Variants in NTM observed in about 807,000 individuals in gnomAD.
NTM encodes IgLON family member 2.
A neutral mutation model predicts 42.1 loss-of-function variants in NTM; 13 were observed. That is an observed-to-expected ratio of 0.31 (90% CI 0.20 to 0.49). The LOEUF (loss-of-function observed/expected upper bound fraction) is 0.49. Among genes scored for constraint, NTM ranks in the 20% least tolerant of loss-of-function variants. The pLI is 0.99. For synonymous variants in NTM, 187 were observed against 179.2 expected, an observed-to-expected ratio of 1.04 and a Z score of -0.35; for missense variants, 373 against 452.8, an observed-to-expected ratio of 0.82 and a Z score of 1.60.
intron 2 of NTM, among the ~76,000 whole-genome samples, chr11:132,143,102 A>G (rs767132309): frequency 2.0e-5 from 3 of 152,108 alleles, no homozygotes; most frequent in Non-Finnish European, 4.4e-5. Context: ...CCCTGAACAT[A>G]TGGGTTACAG....
intron 2 of NTM, among the ~76,000 whole-genome samples, chr11:131,924,106 TG>T (rs2057612806): frequency 6.6e-6 from 1 of 152,234 alleles, no homozygotes; most frequent in Admixed American, 6.5e-5. Flanking sequence ...CTCGTGACCC[TG>T]GAGCTATGTG....
chr11:131,873,297 T>A lies in NTM; in HGVS notation c.83-38267T>A, dbSNP rs375663342. Reference sequence around the variant, plus strand: ...AACACCGCATGTTCTCACTCATAAGTGGGAGCTGAACAATGAGAACACATG... The same window carrying A: ...AACACCGCATGTTCTCACTCATAAGAGGGAGCTGAACAATGAGAACACATG... On this transcript the variant is annotated intron_variant, in intron 1 of 8. Coordinates refer to ENST00000683400, the MANE Select transcript of NTM (RefSeq NM_001352005.2). Among the ~76,000 whole-genome samples the A allele has an allele frequency of 1.6e-3, 233 of 148,326 alleles. 1 individual carries two copies. The highest frequency in any genetic ancestry group is 5.5e-3 in the African/African-American group (220 of 39,914).
At chr11:131,594,084 A>T (rs2059614879) in intron 1 of NTM, among the ~76,000 whole-genome samples, 1 of 152,234 alleles carries the variant, frequency 6.6e-6, no homozygotes, top group East Asian at 1.9e-4. Context: ...CTCTAAATGC[A>T]TAAGGATGGT....
At chr11:131,410,517 CAAAAAAAAAAAAA>C (rs1161389222) in intron 1 of NTM, among the ~76,000 whole-genome samples, 5 of 32,754 alleles carry the variant, frequency 1.5e-4, no homozygotes, top group African/African-American at 2.8e-4. Flanking sequence ...AAACAATAAC[CAAAAAAAAAAAAA>C]AAAAAAAAAA....
intron 2 of NTM, among the ~76,000 whole-genome samples, chr11:132,116,681 G>C (rs1382389952): frequency 6.6e-6 from 1 of 152,168 alleles, no homozygotes. Flanking sequence ...GCATGCATAG[G>C]TTTGGGAAAT....
At position 132,221,604 on chromosome 11, in the gene NTM, C is replaced by T. The variant is rs565873247; in HGVS notation, c.526+9457C>T. Among the ~76,000 whole-genome samples the T allele has an allele frequency of 3.3e-5, 5 of 152,226 alleles. No individual in the cohort carries two copies. In the East Asian group the frequency reaches 7.7e-4, roughly 24 times the overall value. ...TAGTTCATGCCCCAGCCTTACTGAA[C>T]GACAGCTGTAAGGGTGGGGTCCAGC... On this transcript the variant is annotated intron_variant, in intron 4 of 8. Transcript: ENST00000683400.
rs558931725 is a variant in NTM, at chr11:131,889,825, A to G, written c.83-21739A>G. ...GAGCACTGTAGCGCCCCTCTTTTGC[A>G]TGAGGGATCAGTAGCATCCCTCTTT... On this transcript the variant is annotated intron_variant, in intron 1 of 8. Transcript: ENST00000683400. 2.6e-5 allele frequency among the ~76,000 whole-genome samples: 4 copies of G among 152,304 alleles called. No individual in the cohort carries two copies. In the South Asian group the frequency reaches 8.3e-4, roughly 32 times the overall value.
At chr11:132,221,011 T>C (rs1291103161) in intron 4 of NTM, among the ~76,000 whole-genome samples, 1 of 152,156 alleles carries the variant, frequency 6.6e-6, no homozygotes, top group East Asian at 1.9e-4. Context: ...GTCACACCGC[T>C]GTAGACCAGC....
At chr11:131,472,892 C>T (rs1307087170) in intron 1 of NTM, among the ~76,000 whole-genome samples, 1 of 152,050 alleles carries the variant, frequency 6.6e-6, no homozygotes, top group Non-Finnish European at 1.5e-5. Flanking sequence ...TTGAGTCATC[C>T]CTTGATCTTT....
At chr11:131,576,474 C>A (rs2057944990) in intron 1 of NTM, among the ~76,000 whole-genome samples, 1 of 152,160 alleles carries the variant, frequency 6.6e-6, no homozygotes, top group Admixed American at 6.5e-5. Flanking sequence ...CGATTCTCCA[C>A]CCCCAAGATT....
intron 2 of NTM, among the ~76,000 whole-genome samples, chr11:131,959,470 A>G (rs1393523264): frequency 6.6e-6 from 1 of 151,978 alleles, no homozygotes; most frequent in Non-Finnish European, 1.5e-5. Flanking sequence ...TTTACAAAAT[A>G]AAATAATTAA....
At chr11:131,503,674 C>T (rs900809897) in intron 1 of NTM, among the ~76,000 whole-genome samples, 4 of 145,776 alleles carry the variant, frequency 2.7e-5, no homozygotes, top group African/African-American at 7.7e-5. Flanking sequence ...AGGCACACTC[C>T]ACTATGCCTG....
At chr11:131,757,116 C>T (rs1015519799) in intron 1 of NTM, among the ~76,000 whole-genome samples, 4 of 152,316 alleles carry the variant, frequency 2.6e-5, no homozygotes, top group Non-Finnish European at 1.5e-5. Flanking sequence ...AGGAAAGGGG[C>T]GTCATCTCCG....
At chr11:131,925,460 C>T (rs2057819490) in intron 2 of NTM, among the ~76,000 whole-genome samples, 1 of 147,720 alleles carries the variant, frequency 6.8e-6, no homozygotes, top group Non-Finnish European at 1.5e-5. Flanking sequence ...TCTCAGCTCA[C>T]TGCAGCCTCA....
chr11:131,801,781 G>A (rs2092135503), intron 1 of NTM, among the ~76,000 whole-genome samples: 3 of 151,996 alleles, frequency 2.0e-5, no homozygotes, highest in Admixed American at 6.5e-5. Context: ...GCACAAACCC[G>A]TGCTCTTCCC....
chr11:131,503,775 G>C (rs112242992), intron 1 of NTM, among the ~76,000 whole-genome samples: 13 of 152,078 alleles, frequency 8.5e-5, no homozygotes, highest in Non-Finnish European at 1.9e-4. Context: ...CTCCTAAAGT[G>C]TTAGGACTAC....
At chr11:131,582,009 T>C (rs915229567) in intron 1 of NTM, 2 of 152,186 alleles carry the variant, frequency 1.3e-5, no homozygotes, top group African/African-American at 4.8e-5. Context: ...CAGAGCTTTT[T>C]CATCCTGATG....
chr11:131,645,328 C>T (rs570494460), intron 1 of NTM, among the ~76,000 whole-genome samples: 42 of 152,236 alleles, frequency 2.8e-4, no homozygotes, highest in African/African-American at 5.3e-4. Flanking sequence ...CCTCGCCGTG[C>T]GTTTGCTCTT....
chr11:131,496,297 A>G (rs318967), intron 1 of NTM, among the ~76,000 whole-genome samples: 32,218 of 152,158 alleles, frequency 0.21, 4,365 homozygotes, highest in African/African-American at 0.38. Flanking sequence ...GGTCCTGCGG[A>G]CAGTCAGCTG....
Sources: allele counts gnomAD v4.1 joint callset (sites outside exome capture counted in the v4.1 genomes callset), GRCh38; gene constraint gnomAD v4.1.1; transcripts MANE v1.5; gene names NCBI Gene and HGNC (gene_info 2026-07-23, HGNC 2026-07-21).